The following CCSER1 variants were observed in gnomAD, a reference collection of about 807,000 sequenced individuals.
CCSER1 encodes the protein coiled-coil serine rich protein 1, also known as serine-rich coiled-coil domain-containing protein 1.
A neutral mutation model predicts 82.0 loss-of-function variants in CCSER1; 41 were observed. That is an observed-to-expected ratio of 0.50 (90% CI 0.39 to 0.65). The LOEUF is 0.65. Ranked by LOEUF, CCSER1 falls within the 30% of genes least tolerant of loss-of-function variation. The pLI is 0.00. For synonymous variants in CCSER1, 414 were observed against 383.9 expected (o/e 1.08, Z -0.92); for missense variants, 1,119 against 1,064.2 (o/e 1.05, Z -0.72).
intron 10 of CCSER1, among the ~76,000 whole-genome samples, chr4:91,258,439 C>T (rs1217709221): frequency 5.3e-5 from 8 of 151,958 alleles, no homozygotes. Flanking sequence ...CTGCATTAAG[C>T]AAACTCTTTT....
intron 1 of CCSER1, among the ~76,000 whole-genome samples, chr4:90,282,627 T>A (rs1418019186): frequency 6.6e-6 from 1 of 151,928 alleles, no homozygotes; most frequent in Non-Finnish European, 1.5e-5. Context: ...ATGTTTCAGA[T>A]GCTGCTCATC....
chr4:91,511,609 C>T (rs1759829722), intron 10 of CCSER1, among the ~76,000 whole-genome samples: 1 of 152,134 alleles, frequency 6.6e-6, no homozygotes, highest in African/African-American at 2.4e-5. Flanking sequence ...CTGAGCTCCA[C>T]CTCCTGTCAG....
At chr4:91,480,938 TTGTG>T (rs1160802363) in intron 10 of CCSER1, among the ~76,000 whole-genome samples, 2 of 152,134 alleles carry the variant, frequency 1.3e-5, no homozygotes, top group South Asian at 2.1e-4. Context: ...TTTTCTTAGG[TTGTG>T]TGTGTATGTG....
intron 9 of CCSER1, among the ~76,000 whole-genome samples, chr4:91,078,354 G>A (rs1262494778): frequency 6.6e-6 from 1 of 152,182 alleles, no homozygotes; most frequent in African/African-American, 2.4e-5. Context: ...CAGACCTGCA[G>A]CTGAAGGTCC....
At chr4:91,415,590 T>C (rs1753310769) in intron 10 of CCSER1, among the ~76,000 whole-genome samples, 1 of 152,138 alleles carries the variant, frequency 6.6e-6, no homozygotes, top group Non-Finnish European at 1.5e-5. Flanking sequence ...GTTCCTTCAA[T>C]ACCAGTTTAT....
intron 6 of CCSER1, among the ~76,000 whole-genome samples, chr4:90,674,798 G>A (rs2149170259): frequency 6.6e-6 from 1 of 151,786 alleles, no homozygotes; most frequent in African/African-American, 2.4e-5. Flanking sequence ...CTGCACATGA[G>A]TGGTACTGGT....
At chr4:91,085,897 T>G in intron 9 of CCSER1, 53 bp from the exon 10 acceptor site, 1 of 993,252 alleles carries the variant, frequency 1.0e-6, no homozygotes, top group South Asian at 1.5e-5. Context: ...TAATATGAAT[T>G]ATTATTTAAT....
At chr4:90,211,262 T>G (rs541161690) in intron 1 of CCSER1, among the ~76,000 whole-genome samples, 2 of 152,186 alleles carry the variant, frequency 1.3e-5, no homozygotes, top group Admixed American at 1.3e-4. Flanking sequence ...GCCCAGAAAT[T>G]TGTGGGTTTC....
chr4:90,346,729 C>T (rs1411176493), intron 3 of CCSER1, among the ~76,000 whole-genome samples: 2 of 152,000 alleles, frequency 1.3e-5, no homozygotes, highest in Non-Finnish European at 2.9e-5. Flanking sequence ...CTTGTATGTA[C>T]ATAAGTACTG....
rs1453248107 is a variant in CCSER1 at position 90,916,108 on chromosome 4, C to G, written c.2095-7262C>G. Among the ~76,000 whole-genome samples the G allele has an allele frequency of 3.9e-5, 6 of 152,270 alleles. No homozygotes were observed. The South Asian group carries it at 1.0e-3, about 26-fold the overall frequency. On this transcript the variant is annotated intron_variant, in intron 8 of 10. Transcript: ENST00000509176. ...TACTACCCAAGGTAATTTATAGATT[C>G]AATGCCATCCCCATCAAGCTACCAA...
At chr4:90,232,162 C>G (rs1272408629) in intron 1 of CCSER1, among the ~76,000 whole-genome samples, 2 of 152,130 alleles carry the variant, frequency 1.3e-5, no homozygotes, top group Admixed American at 6.5e-5. Flanking sequence ...CCCACATCGC[C>G]AAGTCAATCC....
At chr4:91,448,058 C>A (rs181048276) in intron 10 of CCSER1, among the ~76,000 whole-genome samples, 1 of 152,228 alleles carries the variant, frequency 6.6e-6, no homozygotes, top group African/African-American at 2.4e-5. Flanking sequence ...GTTGCTACTT[C>A]ATAAGGCAAT....
intron 10 of CCSER1, among the ~76,000 whole-genome samples, chr4:91,424,431 C>T (rs1388886682): frequency 6.6e-6 from 1 of 152,140 alleles, no homozygotes; most frequent in Admixed American, 6.5e-5. Flanking sequence ...ATATCTGGGT[C>T]AACAGTTATC....
chr4:90,766,558 TGC>T (rs1429398932), intron 7 of CCSER1, among the ~76,000 whole-genome samples: 1 of 152,098 alleles, frequency 6.6e-6, no homozygotes, highest in Non-Finnish European at 1.5e-5. Context: ...GCAGGAGAAT[TGC>T]CAGAGCCCAG....
At chr4:91,568,791 C>T (rs1053642330) in intron 10 of CCSER1, among the ~76,000 whole-genome samples, 1 of 150,884 alleles carries the variant, frequency 6.6e-6, no homozygotes, top group African/African-American at 2.4e-5. Context: ...TAGCCATCTC[C>T]TGAATCTTGA....
intron 10 of CCSER1, among the ~76,000 whole-genome samples, chr4:91,311,401 T>A (rs1745467552): frequency 6.6e-6 from 1 of 151,976 alleles, no homozygotes; most frequent in South Asian, 2.1e-4. Context: ...CTTTTTGTTT[T>A]TGTTGCTAAA....
At chr4:90,400,924 C>A (rs1220722868) in intron 4 of CCSER1, among the ~76,000 whole-genome samples, 2 of 152,022 alleles carry the variant, frequency 1.3e-5, no homozygotes, top group East Asian at 3.8e-4. Context: ...AACGTTGGGA[C>A]CTACTGCATA....
chr4:90,663,432 G>A (rs1473417348), intron 6 of CCSER1, among the ~76,000 whole-genome samples: 1 of 152,138 alleles, frequency 6.6e-6, no homozygotes, highest in Non-Finnish European at 1.5e-5. Context: ...AAACAAATGG[G>A]AACCTTAAAA....
chr4:90,260,040 C>T (rs951671770), intron 1 of CCSER1, among the ~76,000 whole-genome samples: 1 of 152,068 alleles, frequency 6.6e-6, no homozygotes, highest in African/African-American at 2.4e-5. Context: ...AGGATTAGTA[C>T]CAATTCTTCT....
Sources: gnomAD v4.1 joint callset for allele counts (sites outside exome capture counted in the v4.1 genomes callset) on GRCh38, gnomAD v4.1.1 for gene constraint, MANE v1.5 for transcripts, NCBI Gene and HGNC (gene_info 2026-07-23, HGNC 2026-07-21) for gene names.